Variants in ZKSCAN7 observed in about 807,000 individuals in gnomAD.
The protein encoded by ZKSCAN7 is zinc finger with KRAB and SCAN domains 7.
Under a neutral mutation model 65.3 loss-of-function variants are expected in ZKSCAN7, and 38 were observed. The observed-to-expected ratio is 0.58, with a 90% CI of 0.45 to 0.76. ZKSCAN7 has a LOEUF of 0.76. Ranked by LOEUF, ZKSCAN7 falls within the 30% of genes least tolerant of loss-of-function variation. ZKSCAN7 has a pLI of 0.00. For synonymous variants in ZKSCAN7, 321 were observed against 321.0 expected (o/e 1.00, Z 0.00); for missense variants, 815 against 913.3 (o/e 0.89, Z 1.39).
chr3:44,580,754 C>T (rs1700055312), intron 5 of ZKSCAN7: 9 of 1,613,640 alleles, frequency 5.6e-6, no homozygotes, highest in East Asian at 2.2e-5. Flanking sequence ...GAGGAAGGGT[C>T]GTGGGCATCT....
chr3:44,569,395 CT>C (rs1402134218), intron 5 of ZKSCAN7, among the ~76,000 whole-genome samples: 1 of 152,188 alleles, frequency 6.6e-6, no homozygotes, highest in Non-Finnish European at 1.5e-5. Context: ...AAGATCTGTT[CT>C]TTTTGTACAC....
intron 5 of ZKSCAN7, among the ~76,000 whole-genome samples, chr3:44,581,219 C>T (rs1029576336): frequency 2.7e-5 from 4 of 147,368 alleles, no homozygotes; most frequent in African/African-American, 9.8e-5. Flanking sequence ...CGCGCGACGC[C>T]CAGCTCCCGC....
chr3:44,579,927 C>A (rs1442321363), intron 5 of ZKSCAN7: 1 of 1,604,360 alleles, frequency 6.2e-7, no homozygotes, highest in Non-Finnish European at 8.5e-7. Flanking sequence ...AGTGACTTGG[C>A]TCTTCGGTGT....
intron 2 of ZKSCAN7, among the ~76,000 whole-genome samples, chr3:44,563,558 G>T (rs901622062): frequency 6.6e-6 from 1 of 152,158 alleles, no homozygotes; most frequent in Non-Finnish European, 1.5e-5. Flanking sequence ...AGGAAAGAGA[G>T]AGCACACAGA....
chr3:44,570,118 T>C lies in ZKSCAN7; in HGVS notation c.1008T>C (p.Asn336=). The C allele has an allele frequency of 6.2e-7, 1 of 1,613,886 alleles. No homozygotes were observed. Among genetic ancestry groups the C allele is most frequent in the Non-Finnish European group, 8.5e-7 (1 of 1,179,972 alleles). The stretch of plus-strand genomic sequence containing the variant: ...ATGAAGAAGGGAGCAGACTAGAAAA[T>C]GATTTCTTGGAAATAACAGATGAAG... ...TSDEEGSRLE[N]DFLEITDEDK... is the part of the protein sequence containing the mutation. Residue 336 remains asparagine, a synonymous_variant, in exon 6 of 6, where the codon AAT becomes AAC. Transcript: ENST00000426540.
downstream of ZKSCAN7, among the ~76,000 whole-genome samples, chr3:44,576,070 G>A (rs1442376101): frequency 6.6e-6 from 1 of 152,032 alleles, no homozygotes; most frequent in African/African-American, 2.4e-5. Context: ...TTCCCCTGGT[G>A]TTTGGATGTG....
At chr3:44,555,966 C>T (rs1368213866) in intron 1 of ZKSCAN7, among the ~76,000 whole-genome samples, 1 of 152,206 alleles carries the variant, frequency 6.6e-6, no homozygotes, top group Non-Finnish European at 1.5e-5. Flanking sequence ...CAGCTCTGCC[C>T]TTTGTATCCT....
chr3:44,576,697 A>G (rs559549297), downstream of ZKSCAN7, among the ~76,000 whole-genome samples: 22 of 152,342 alleles, frequency 1.4e-4, 2 homozygotes, highest in South Asian at 4.6e-3. Flanking sequence ...GTCCCTTTAG[A>G]TCTGAAGCTA....
In ZKSCAN7 at chr3:44,557,240, ATGTC is replaced by A; in HGVS notation, c.196_199del (p.Ser66GlyfsTer6). The A allele has an allele frequency of 1.2e-6, 2 of 1,614,240 alleles. No individual in the cohort carries two copies. The highest frequency in any genetic ancestry group is 1.7e-6 in the Non-Finnish European group (2 of 1,180,032). ...CTTCAGGCAATTGTGTTACCACGAG[ATGTC>A]TGGGCCGCAGGAAGCATTGAGCCGG... On this transcript the variant is annotated frameshift_variant, in exon 2 of 6. Transcript: ENST00000426540. LOFTEE classifies it high-confidence loss of function.
chr3:44,565,567 C>T lies in ZKSCAN7; in HGVS notation c.504C>T (p.Thr168=), dbSNP rs767370597. The T allele has an allele frequency of 9.3e-6, 15 of 1,613,222 alleles. No homozygotes were observed. The highest frequency in any genetic ancestry group is 8.5e-6 in the Non-Finnish European group (10 of 1,179,706). Residue 168 remains threonine (T), a synonymous_variant, in exon 3 of 6, where the codon ACC becomes ACT. Transcript: ENST00000426540. ...ALGTTKESPP[T]SPLSGGSAPG... ...GTACAACAAAGGAATCTCCTCCTACCTCACCCCTCAGTGGGGGCTCAGCCC... is the reference window on the plus strand; with the variant it reads ...GTACAACAAAGGAATCTCCTCCTACTTCACCCCTCAGTGGGGGCTCAGCCC...
At chr3:44,578,196 T>C in intron 5 of ZKSCAN7, 1 of 1,522,618 alleles carries the variant, frequency 6.6e-7, no homozygotes, top group Non-Finnish European at 9.1e-7. Flanking sequence ...GATGCTGAGC[T>C]CTGTGTAGAT....
At chr3:44,576,897 G>C (rs149175855), downstream of ZKSCAN7, among the ~76,000 whole-genome samples, 1,129 of 152,138 alleles carry the variant, frequency 7.4e-3, 18 homozygotes, top group African/African-American at 0.026. Context: ...GAAATAGCTT[G>C]GTTGTGAAAG....
chr3:44,575,633 A>G (rs1295931058), downstream of ZKSCAN7, among the ~76,000 whole-genome samples: 1 of 152,232 alleles, frequency 6.6e-6, no homozygotes, highest in Non-Finnish European at 1.5e-5. Flanking sequence ...GCTGGAGTGC[A>G]ATGGCACGAT....
At chr3:44,579,804 C>T (rs921213594) in intron 5 of ZKSCAN7, 150 of 1,613,110 alleles carry the variant, frequency 9.3e-5, no homozygotes, top group Non-Finnish European at 1.2e-4. Context: ...CTTTGATCGG[C>T]GAGGACAAAC....
intron 5 of ZKSCAN7, chr3:44,582,907 C>CGTGTGTGT (rs4016043): frequency 1.1e-3 from 405 of 354,260 alleles, no homozygotes; most frequent in African/African-American, 5.1e-3. Context: ...CATGAATATT[C>CGTGTGTGT]GTGTGTGTGT....
chr3:44,568,378 G>A lies in ZKSCAN7; in HGVS notation c.756G>A (p.Gln252=). ...AATGGAAAAGTCTCACACTCAGTCA[G>A]AGAGCCCTGCAGTGGAACATGATGC... ...QKKWKSLTLS[Q]RALQWNMMPE... is the part of the protein sequence containing the mutation. Residue 252 remains glutamine (Q), a synonymous_variant, in exon 5 of 6, where the codon CAG becomes CAA. Coordinates refer to ENST00000426540, the MANE Select transcript of ZKSCAN7 (RefSeq NM_001288590.2). 2 of 1,614,188 alleles carry A rather than the reference G, an allele frequency of 1.2e-6. No individual in the cohort carries two copies. The highest frequency in any genetic ancestry group is 1.7e-6 in the Non-Finnish European group (2 of 1,180,018).
At chr3:44,564,903 T>G (rs1272472832) in intron 2 of ZKSCAN7, among the ~76,000 whole-genome samples, 2 of 152,070 alleles carry the variant, frequency 1.3e-5, no homozygotes, top group Admixed American at 6.6e-5. Context: ...CAGGATCAAG[T>G]GATTCTCCTG....
In ZKSCAN7 at chr3:44,565,637, C is replaced by G. The variant is rs1227361760; in HGVS notation, c.574C>G (p.Leu192Val). The G allele has an allele frequency of 1.9e-6, 3 of 1,604,296 alleles. No homozygotes were observed. The highest frequency in any genetic ancestry group is 2.6e-6 in the Non-Finnish European group (3 of 1,175,870). The change falls in exon 3 of 6, where the codon CTC becomes GTC. Residue 192 changes from leucine (L) to valine (V), a missense_variant. Physicochemically the swap from Leu to Val is conservative, Grantham distance 32 (BLOSUM62 1). This residue lies in a region of ZKSCAN7 where 227 missense variants were observed against 253.3 expected (regional missense o/e 0.90). Coordinates refer to ENST00000426540, the MANE Select transcript of ZKSCAN7 (RefSeq NM_001288590.2). ...EPPYDPGTHH[L>V]PSGDFAQCTS... ...TCCTTATGACCCAGGGACACACCAC[C>G]TCCCCAGTGGGGACTTCGGTACTTA...
At position 44,557,083 on chromosome 3, in the gene ZKSCAN7, C is replaced by T. The variant is rs1186176832; in HGVS notation, c.36C>T (p.Ile12=). The T allele has an allele frequency of 2.5e-6, 4 of 1,614,228 alleles. No individual in the cohort carries two copies. In the Admixed American group the frequency reaches 6.7e-5, roughly 27 times the overall value. ...TTAGRGNLGL[I]PRSTAFQKQE... ...CAGGCAGGGGAAATTTAGGCCTCAT[C>T]CCCAGGAGCACTGCTTTCCAGAAGC... is the stretch of plus-strand genomic sequence containing the variant. The change falls in exon 2 of 6, where the codon ATC becomes ATT. Residue 12 remains isoleucine (I), a synonymous_variant. Transcript: ENST00000426540.
Sources: allele counts gnomAD v4.1 joint callset (sites outside exome capture counted in the v4.1 genomes callset), GRCh38; gene constraint gnomAD v4.1.1; regional missense constraint gnomAD v4.1.1; transcripts MANE v1.5; gene names NCBI Gene and HGNC (gene_info 2026-07-23, HGNC 2026-07-21).